The following GATA4 variants were observed in gnomAD, a reference collection of about 807,000 sequenced individuals.
GATA4 encodes the protein GATA binding protein 4, also known as transcription factor GATA-4.
GATA4 carries 7 observed loss-of-function variants against 37.9 expected under a neutral mutation model. That is an observed-to-expected ratio of 0.18 (90% CI 0.11 to 0.35). The LOEUF is 0.35. Ranked by LOEUF, GATA4 falls within the 10% of genes least tolerant of loss-of-function variation. GATA4 has a pLI of 1.00. For missense variants in GATA4, 647 were observed against 653.0 expected (o/e 0.99, Z 0.10); for synonymous variants, 372 against 292.6 (o/e 1.27, Z -2.77).
At chr8:11,738,303 T>A (rs1801557928) in intron 2 of GATA4, among the ~76,000 whole-genome samples, 1 of 151,976 alleles carries the variant, frequency 6.6e-6, no homozygotes, top group Admixed American at 6.5e-5. Flanking sequence ...CCAAGACACC[T>A]CCCTGGAAAC....
intron 4 of GATA4, among the ~76,000 whole-genome samples, chr8:11,752,784 C>G (rs1018506716): frequency 3.3e-5 from 5 of 152,094 alleles, no homozygotes; most frequent in African/African-American, 9.7e-5. Context: ...TTCATGATTT[C>G]TTGTTATAAT....
In GATA4 at chr8:11,759,714, CCT is replaced by C. The variant is rs1158328131; in HGVS notation, c.*1240_*1241del. 6.6e-6 allele frequency: 1 copy of C among 152,336 alleles called. No individual in the cohort carries two copies. Among genetic ancestry groups the C allele is most frequent in the Non-Finnish European group, 1.5e-5 (1 of 68,108 alleles). 9.4% of individuals were successfully genotyped at this position (152,336 alleles called of 1,614,324 possible). ...TCCTCTGCACATTGCTGTTTCTGCC[CCT>C]GATGCTGGAGCTCAAGGAGACTCCT... On this transcript the variant is annotated 3_prime_UTR_variant, in exon 7 of 7. Coordinates refer to ENST00000532059, the MANE Select transcript of GATA4 (RefSeq NM_001308093.3).
chr8:11,722,075 T>G (rs940231444), intron 2 of GATA4, among the ~76,000 whole-genome samples: 3 of 152,210 alleles, frequency 2.0e-5, no homozygotes, highest in African/African-American at 7.2e-5. Flanking sequence ...CTCTAACTCC[T>G]GGGCTTAAGC....
At chr8:11,730,986 C>T (rs1341872513) in intron 2 of GATA4, among the ~76,000 whole-genome samples, 11 of 152,266 alleles carry the variant, frequency 7.2e-5, no homozygotes, top group Non-Finnish European at 1.5e-4. Context: ...TCTGTCAGGG[C>T]GAGCTTCTCG....
upstream of GATA4, chr8:11,692,099 G>A (rs192460690): frequency 7.0e-5 from 68 of 970,930 alleles, no homozygotes; most frequent in African/African-American, 1.1e-3. Flanking sequence ...GGTGACAGGT[G>A]AGGCAGGCAG....
intron 2 of GATA4, among the ~76,000 whole-genome samples, chr8:11,711,610 C>A (rs1409442914): frequency 6.6e-6 from 1 of 151,998 alleles, no homozygotes; most frequent in Non-Finnish European, 1.5e-5. Flanking sequence ...AGACCCCATC[C>A]CTACAAATCA....
chr8:11,751,012 G>A (rs1802278652), intron 4 of GATA4, among the ~76,000 whole-genome samples: 2 of 152,022 alleles, frequency 1.3e-5, no homozygotes, highest in Admixed American at 6.6e-5. Flanking sequence ...AACACTGGAA[G>A]AAAATGTAAG....
chr8:11,753,683 G>T (rs936209133), intron 4 of GATA4, among the ~76,000 whole-genome samples: 16 of 152,182 alleles, frequency 1.1e-4, no homozygotes, highest in African/African-American at 2.4e-4. Context: ...GTGGGGTCGG[G>T]GGGTGCAAGT....
chr8:11,738,150 TAGCCTGGGTGA>T (rs1801548270), intron 2 of GATA4, among the ~76,000 whole-genome samples: 1 of 141,786 alleles, frequency 7.1e-6, no homozygotes, highest in East Asian at 2.1e-4. Context: ...CATTGCACTC[TAGCCTGGGTGA>T]CAGAGCAAGA....
intron 2 of GATA4, among the ~76,000 whole-genome samples, chr8:11,716,280 T>C (rs1353616363): frequency 6.6e-6 from 1 of 152,232 alleles, no homozygotes; most frequent in African/African-American, 2.4e-5. Flanking sequence ...ATACATGATA[T>C]TCATGAATCA....
At chr8:11,679,763 G>C (rs1355332812) in intron 1 of GATA4, among the ~76,000 whole-genome samples, 5 of 152,222 alleles carry the variant, frequency 3.3e-5, no homozygotes, top group African/African-American at 4.8e-5. Flanking sequence ...ACAGGGGCGA[G>C]GTTGGGATCG....
At chr8:11,726,502 G>A (rs1327260162) in intron 2 of GATA4, among the ~76,000 whole-genome samples, 2 of 152,212 alleles carry the variant, frequency 1.3e-5, no homozygotes, top group Non-Finnish European at 2.9e-5. Flanking sequence ...AGGTGGAGAT[G>A]TCCCAGGGAC....
At chr8:11,705,194 T>C (rs1406487328) in intron 1 of GATA4, among the ~76,000 whole-genome samples, 1 of 151,932 alleles carries the variant, frequency 6.6e-6, no homozygotes, top group African/African-American at 2.4e-5. Context: ...ACCGTGGAGG[T>C]TGGGGAAGCG....
chr8:11,701,361 C>T (rs1206794841), upstream of GATA4, among the ~76,000 whole-genome samples: 5 of 152,136 alleles, frequency 3.3e-5, no homozygotes, highest in East Asian at 1.9e-4. Flanking sequence ...CTACCCAGGC[C>T]AGCCCAGGCA....
intron 1 of GATA4, among the ~76,000 whole-genome samples, chr8:11,678,175 C>T (rs578118694): frequency 6.6e-6 from 1 of 152,018 alleles, no homozygotes; most frequent in African/African-American, 2.4e-5. Context: ...TCCACATGCT[C>T]GCAGGTTGAA....
rs572687985 is a variant in GATA4, at chr8:11,730,947, C to A, written c.617-17969C>A. The stretch of plus-strand genomic sequence containing the variant: ...TTCAGGGCATGTGGCCCAGTGCCCA[C>A]TGAGGTGCAGCCCGCGTGCCTGGAC... On this transcript the variant is annotated intron_variant, in intron 2 of 6. Transcript: ENST00000532059. 9.8e-5 allele frequency among the ~76,000 whole-genome samples: 15 copies of A among 152,366 alleles called. No individual in the cohort carries two copies. In the South Asian group the frequency reaches 2.3e-3, roughly 23 times the overall value.
chr8:11,697,964 C>T (rs1329458417), intron 1 of GATA4: 3 of 985,362 alleles, frequency 3.0e-6, no homozygotes, highest in African/African-American at 1.7e-5. Context: ...GGCGCTCCAG[C>T]CGCGGGTGTC....
chr8:11,719,798 C>T (rs965658315), intron 2 of GATA4, among the ~76,000 whole-genome samples: 40 of 152,214 alleles, frequency 2.6e-4, no homozygotes, highest in Middle Eastern at 3.4e-3. Context: ...TTAAATAAAG[C>T]AGAAATGAGA....
intron 2 of GATA4, among the ~76,000 whole-genome samples, chr8:11,739,772 AGT>A (rs1438503620): frequency 2.3e-5 from 3 of 132,340 alleles, no homozygotes; most frequent in Non-Finnish European, 4.9e-5. Flanking sequence ...TGTGCGGAGG[AGT>A]TTCTGTCGTG....
Sources: allele counts gnomAD v4.1 joint callset (sites outside exome capture counted in the v4.1 genomes callset), GRCh38; gene constraint gnomAD v4.1.1; transcripts MANE v1.5; gene names NCBI Gene and HGNC (gene_info 2026-07-23, HGNC 2026-07-21).